The following YJU2B variants were observed in gnomAD, a reference collection of about 807,000 sequenced individuals.
The protein encoded by YJU2B is YJU2 splicing factor homolog B.
A neutral mutation model predicts 38.0 loss-of-function variants in YJU2B; 18 were observed. The ratio of observed to expected loss-of-function variants is 0.47; its 90% CI spans 0.33 to 0.70. The LOEUF is 0.70. Ranked by LOEUF, YJU2B falls within the 30% of genes least tolerant of loss-of-function variation. The probability of loss-of-function intolerance (pLI) is 0.02; values close to 1 mark genes in which losing one functional copy is unlikely to be tolerated. For missense variants in YJU2B, 538 were observed against 556.3 expected, an observed-to-expected ratio of 0.97 and a Z score of 0.33; for synonymous variants, 246 against 225.4, an observed-to-expected ratio of 1.09 and a Z score of -0.82.
intron 2 of YJU2B, among the ~76,000 whole-genome samples, chr19:13,752,088 C>T (rs1356610998): frequency 6.6e-6 from 1 of 152,064 alleles, no homozygotes; most frequent in Non-Finnish European, 1.5e-5. Context: ...CTGCAACCTC[C>T]GCCTTCTGGG....
intron 4 of YJU2B, among the ~76,000 whole-genome samples, chr19:13,757,208 AG>A (rs1973698716): frequency 6.6e-6 from 1 of 151,954 alleles, no homozygotes; most frequent in African/African-American, 2.4e-5. Context: ...GCTTTCTAGC[AG>A]GCAGGAAGTT....
At chr19:13,740,394 A>G (rs1973061740) in intron 2 of YJU2B, among the ~76,000 whole-genome samples, 1 of 151,894 alleles carries the variant, frequency 6.6e-6, no homozygotes, top group South Asian at 2.1e-4. Flanking sequence ...TGTTTTTTGT[A>G]GAGACAGGGG....
At chr19:13,739,968 A>G (rs932710082) in intron 2 of YJU2B, among the ~76,000 whole-genome samples, 1 of 151,754 alleles carries the variant, frequency 6.6e-6, no homozygotes, top group African/African-American at 2.4e-5. Flanking sequence ...TCATTGTTCA[A>G]CTCCCACTTA....
At chr19:13,734,056 T>G (rs1410072150) in intron 2 of YJU2B, among the ~76,000 whole-genome samples, 1 of 152,070 alleles carries the variant, frequency 6.6e-6, no homozygotes, top group Non-Finnish European at 1.5e-5. Context: ...GCCTCCCTAG[T>G]AGCTGGGACT....
At chr19:13,749,854 C>T (rs1287119419) in intron 1 of YJU2B, among the ~76,000 whole-genome samples, 1 of 151,942 alleles carries the variant, frequency 6.6e-6, no homozygotes, top group Non-Finnish European at 1.5e-5. Flanking sequence ...AGGATGGTCT[C>T]GATCTCCTGA....
Position 13,762,643 on chromosome 19 carries a change from T to C in YJU2B, c.766T>C (p.Phe256Leu). 6.5e-7 allele frequency: 1 copy of C among 1,544,720 alleles called. No individual in the cohort carries two copies. The highest frequency in any genetic ancestry group is 1.2e-5 in the South Asian group (1 of 81,414). The change falls in exon 10 of 10, where the codon TTC becomes CTC. Residue 256 changes from phenylalanine to leucine, a missense_variant. Physicochemically the swap from Phe to Leu is conservative, Grantham distance 22 (BLOSUM62 0). Transcript: ENST00000221554. ...GACCGAGATCATCAGCCGCTCCTGGTTCCCCTCTGCCCCCGGATCCGCCTC... is the reference window on the plus strand; with the variant it reads ...GACCGAGATCATCAGCCGCTCCTGGCTCCCCTCTGCCCCCGGATCCGCCTC... ...KRTEIISRSW[F>L]PSAPGSASSS...
chr19:13,751,534 A>G (rs1203936704), intron 1 of YJU2B, 74 bp from the exon 2 acceptor site: 6 of 477,406 alleles, frequency 1.3e-5, no homozygotes, highest in Middle Eastern at 5.5e-4. Flanking sequence ...GGTGGGGGCC[A>G]CAGAGGGATG....
At chr19:13,735,450 C>T (rs1206924745) in intron 2 of YJU2B, among the ~76,000 whole-genome samples, 1 of 152,044 alleles carries the variant, frequency 6.6e-6, no homozygotes, top group African/African-American at 2.4e-5. Flanking sequence ...GACTTACAAA[C>T]ACCCAGATTC....
chr19:13,743,499 G>T (rs1409411054), upstream of YJU2B, among the ~76,000 whole-genome samples: 1 of 149,842 alleles, frequency 6.7e-6, no homozygotes, highest in Non-Finnish European at 1.5e-5. Flanking sequence ...AGAATCGCTT[G>T]AACCTGGGAA....
rs547784265 is a variant in YJU2B, at chr19:13,751,985, T to G, written c.3+174T>G. ...TTGCGCTAACATCACCCATGGGCACTTTTTAAATGTTTTTTTGTTTCATTT... is the reference window on the plus strand; with the variant it reads ...TTGCGCTAACATCACCCATGGGCACGTTTTAAATGTTTTTTTGTTTCATTT... On this transcript the variant is annotated intron_variant, in intron 2 of 9. Coordinates refer to ENST00000221554, the MANE Select transcript of YJU2B (RefSeq NM_030818.4). Among the ~76,000 whole-genome samples the G allele has an allele frequency of 2.0e-5, 3 of 152,286 alleles. No individual in the cohort carries two copies. In the East Asian group the frequency reaches 5.8e-4, roughly 29 times the overall value.
chr19:13,758,182 T>A (rs1018233927), intron 6 of YJU2B, among the ~76,000 whole-genome samples: 2 of 152,158 alleles, frequency 1.3e-5, no homozygotes, highest in African/African-American at 4.8e-5. Flanking sequence ...CCTGGAATGC[T>A]CTTCCCCAGG....
At chr19:13,759,579 A>ACCCCCCCCC (rs3059652) in intron 8 of YJU2B, 2 of 219,598 alleles carry the variant, frequency 9.1e-6, no homozygotes, top group African/African-American at 2.3e-5. Context: ...GTGAGACACC[A>ACCCCCCCCC]CCCCCCCCCT....
Position 13,737,250 on chromosome 19 carries a change from C to T in YJU2B, c.-202+4965C>T, listed in dbSNP as rs79892831. On this transcript the variant is annotated intron_variant, in intron 2 of 10. Coordinates refer to the YJU2B transcript ENST00000586600. The stretch of plus-strand genomic sequence containing the variant: ...ATGTTTCACAGGCTGGTCTTGAACC[C>T]CTGGGCTCAAGGGATCCTCCCACTG... Among the ~76,000 whole-genome samples, 977 of 152,060 alleles carry T rather than the reference C, an allele frequency of 6.4e-3. 8 individuals carry two copies. The highest frequency in any genetic ancestry group is 0.01 in the Non-Finnish European group (698 of 67,990).
chr19:13,739,740 GA>G (rs1973044704), intron 2 of YJU2B, among the ~76,000 whole-genome samples: 1 of 152,112 alleles, frequency 6.6e-6, no homozygotes, highest in South Asian at 2.1e-4. Context: ...AAATAAGTTA[GA>G]ATTTTTTTTT....
chr19:13,753,490 C>T (rs1388948695), intron 2 of YJU2B, among the ~76,000 whole-genome samples: 1 of 144,508 alleles, frequency 6.9e-6, no homozygotes, highest in Non-Finnish European at 1.5e-5. Context: ...AGGAGAATTG[C>T]TTGAATCCGG....
intron 3 of YJU2B, 151 bp downstream of exon 3, chr19:13,754,493 T>G (rs1685705223): frequency 1.4e-6 from 1 of 696,766 alleles, no homozygotes; most frequent in Admixed American, 2.1e-5. Context: ...GTCTTCACTT[T>G]TGGGTGATAA....
At chr19:13,753,407 A>G (rs1973543622) in intron 2 of YJU2B, among the ~76,000 whole-genome samples, 1 of 152,052 alleles carries the variant, frequency 6.6e-6, no homozygotes, top group Non-Finnish European at 1.5e-5. Context: ...CTTTGTCTGT[A>G]CTAAAAATAC....
intron 1 of YJU2B, among the ~76,000 whole-genome samples, chr19:13,748,978 C>T (rs999239755): frequency 1.3e-5 from 2 of 152,214 alleles, no homozygotes; most frequent in Non-Finnish European, 2.9e-5. Flanking sequence ...CACTCCCACT[C>T]CATCAGAAGC....
At chr19:13,759,337 TC>T in intron 8 of YJU2B, 65 bp downstream of exon 8, 7 of 1,348,296 alleles carry the variant, frequency 5.2e-6, no homozygotes, top group East Asian at 2.5e-5. Flanking sequence ...GGTCCAGCCC[TC>T]CCCCCACCAC....
Sources: allele counts gnomAD v4.1 joint callset (sites outside exome capture counted in the v4.1 genomes callset), GRCh38; gene constraint gnomAD v4.1.1; transcripts MANE v1.5; gene names NCBI Gene and HGNC (gene_info 2026-07-23, HGNC 2026-07-21).